Variants in CADM2 observed in about 807,000 individuals in gnomAD.
CADM2 encodes the protein cell adhesion molecule 2, also known as immunoglobulin superfamily member 4D.
In CADM2, 12 loss-of-function variants were observed where a neutral mutation model predicts 49.8. That is an observed-to-expected ratio of 0.24 (90% confidence interval 0.15 to 0.39). The LOEUF (loss-of-function observed/expected upper bound fraction) is 0.39, where lower values mean the gene tolerates loss of function less well. Ranked by LOEUF, CADM2 falls within the 10% of genes least tolerant of loss-of-function variation. The probability of loss-of-function intolerance (pLI) is 1.00; values close to 1 mark genes in which losing one functional copy is unlikely to be tolerated. For missense variants in CADM2, 378 were observed against 492.3 expected (o/e 0.77, Z 2.20); for synonymous variants, 214 against 175.4 (o/e 1.22, Z -1.74).
chr3:85,454,616 C>T (rs1387944802), intron 1 of CADM2, among the ~76,000 whole-genome samples: 3 of 152,146 alleles, frequency 2.0e-5, no homozygotes, highest in Non-Finnish European at 4.4e-5. Flanking sequence ...TCAAATTACC[C>T]ATTATGTCAA....
intron 1 of CADM2, among the ~76,000 whole-genome samples, chr3:85,202,291 AT>A (rs1431639503): frequency 1.3e-5 from 2 of 152,066 alleles, no homozygotes; most frequent in Admixed American, 6.6e-5. Flanking sequence ...AAAGTTTTCA[AT>A]TTACTTTGAC....
intron 1 of CADM2, among the ~76,000 whole-genome samples, chr3:85,592,304 T>C (rs1421515181): frequency 6.6e-6 from 1 of 151,908 alleles, no homozygotes; most frequent in Non-Finnish European, 1.5e-5. Context: ...TTTGATAGAC[T>C]GAAGATGAAG....
chr3:85,809,639 GA>G (rs2072690091), intron 3 of CADM2, among the ~76,000 whole-genome samples: 1 of 150,772 alleles, frequency 6.6e-6, no homozygotes, highest in Non-Finnish European at 1.5e-5. Context: ...TCATTATGCT[GA>G]AAAATGAAAC....
chr3:85,531,973 G>A (rs1171519027), intron 1 of CADM2, among the ~76,000 whole-genome samples: 7 of 152,188 alleles, frequency 4.6e-5, no homozygotes, highest in African/African-American at 1.7e-4. Flanking sequence ...GTCAGGAGAT[G>A]GAGACCATCC....
chr3:85,726,741 T>C (rs1328869524), intron 2 of CADM2, among the ~76,000 whole-genome samples, 193 bp downstream of exon 2: 1 of 152,110 alleles, frequency 6.6e-6, no homozygotes, highest in African/African-American at 2.4e-5. Flanking sequence ...TTTGCATGAA[T>C]GTTTGTGAGT....
rs1319729037 is a variant in CADM2, at chr3:86,069,866, A to G, written c.*3083A>G. 6.6e-6 allele frequency: 1 copy of G among 151,930 alleles called. No homozygotes were observed. Among genetic ancestry groups the G allele is most frequent in the African/African-American group, 2.4e-5 (1 of 41,408 alleles). The allele number at this position is 151,930 out of a possible 1,614,324, so 9.4% of individuals were successfully genotyped here. A position where few individuals can be genotyped will look rare whatever the true frequency, so the allele number is the denominator to read the frequency against. ...TTTATTTTCCATTTTTGGGTGTTCT[A>G]GATAGGATTATTATCAAAAGTAGGA... On this transcript the variant is annotated 3_prime_UTR_variant, in exon 10 of 10. Transcript: ENST00000383699.
intron 1 of CADM2, among the ~76,000 whole-genome samples, chr3:85,458,294 G>A (rs777154182): frequency 3.9e-5 from 6 of 152,148 alleles, no homozygotes; most frequent in South Asian, 2.1e-4. Context: ...CACATAACAG[G>A]GATATTATAA....
At chr3:85,767,699 A>T (rs2069727429) in intron 2 of CADM2, among the ~76,000 whole-genome samples, 1 of 152,100 alleles carries the variant, frequency 6.6e-6, no homozygotes, top group South Asian at 2.1e-4. Flanking sequence ...AACAATTTAA[A>T]TTTTCAGATC....
intron 1 of CADM2, among the ~76,000 whole-genome samples, chr3:85,197,412 T>G (rs1433621111): frequency 1.3e-5 from 2 of 152,096 alleles, no homozygotes; most frequent in South Asian, 2.1e-4. Flanking sequence ...TTGTGCATAC[T>G]TTGTGCCACT....
chr3:85,364,837 G>C (rs1402793912), intron 1 of CADM2, among the ~76,000 whole-genome samples: 1 of 151,734 alleles, frequency 6.6e-6, no homozygotes, highest in Non-Finnish European at 1.5e-5. Context: ...TTGTGGTTCT[G>C]ATGCTTGTTC....
intron 1 of CADM2, among the ~76,000 whole-genome samples, chr3:85,398,338 A>G (rs879607972): frequency 3.3e-4 from 18 of 55,214 alleles, no homozygotes; most frequent in Non-Finnish European, 8.7e-4. Flanking sequence ...ACATGAAACC[A>G]TCCTTTTTAT....
chr3:85,021,224 G>GT (rs542342788), intron 1 of CADM2, among the ~76,000 whole-genome samples: 296 of 151,616 alleles, frequency 2.0e-3, no homozygotes, highest in African/African-American at 6.8e-3. Context: ...AAATTTTGTC[G>GT]TTTTTTAAAA....
At chr3:85,088,391 T>C (rs1265162910) in intron 1 of CADM2, among the ~76,000 whole-genome samples, 1 of 152,156 alleles carries the variant, frequency 6.6e-6, no homozygotes, top group Admixed American at 6.5e-5. Flanking sequence ...TGATAAACTG[T>C]TAAACATAGT....
At chr3:85,946,028 C>G (rs1722646516) in intron 7 of CADM2, among the ~76,000 whole-genome samples, 1 of 152,074 alleles carries the variant, frequency 6.6e-6, no homozygotes, top group Admixed American at 6.6e-5. Flanking sequence ...ATCTAGAAAA[C>G]CCCATCATCT....
chr3:85,618,582 T>C (rs2063868992), intron 1 of CADM2, among the ~76,000 whole-genome samples: 1 of 152,156 alleles, frequency 6.6e-6, no homozygotes, highest in Non-Finnish European at 1.5e-5. Flanking sequence ...AGCCAAAGGA[T>C]AATCCCAGTC....
intron 1 of CADM2, among the ~76,000 whole-genome samples, chr3:84,977,677 A>G (rs2031908510): frequency 6.6e-6 from 1 of 152,090 alleles, no homozygotes; most frequent in South Asian, 2.1e-4. Flanking sequence ...GATTTTCAAA[A>G]GTATTTTATT....
At chr3:85,504,692 G>C (rs1197177179) in intron 1 of CADM2, among the ~76,000 whole-genome samples, 2 of 152,210 alleles carry the variant, frequency 1.3e-5, no homozygotes, top group Middle Eastern at 6.3e-3. Context: ...GCAGCCCTTG[G>C]GTGGTCGATG....
At chr3:84,997,508 G>C (rs2033240989) in intron 1 of CADM2, among the ~76,000 whole-genome samples, 1 of 151,776 alleles carries the variant, frequency 6.6e-6, no homozygotes, top group Non-Finnish European at 1.5e-5. Flanking sequence ...TGTGAATTTT[G>C]AGAAAAATGT....
At chr3:85,175,429 T>C (rs1279685276) in intron 1 of CADM2, among the ~76,000 whole-genome samples, 2 of 152,130 alleles carry the variant, frequency 1.3e-5, no homozygotes, top group Admixed American at 6.5e-5. Flanking sequence ...ATTCAGTTTT[T>C]TAAAAAGAAG....
Sources: allele counts gnomAD v4.1 joint callset (sites outside exome capture counted in the v4.1 genomes callset), GRCh38; gene constraint gnomAD v4.1.1; transcripts MANE v1.5; gene names NCBI Gene and HGNC (gene_info 2026-07-23, HGNC 2026-07-21).